The following CDK6 variants were observed in gnomAD, a reference collection of about 807,000 sequenced individuals.
CDK6 encodes cyclin dependent kinase 6.
In CDK6, 6 loss-of-function variants were observed where a neutral mutation model predicts 37.1. The ratio of observed to expected loss-of-function variants is 0.16; its 90% CI spans 0.09 to 0.32. CDK6 has a LOEUF of 0.32. Ranked by LOEUF, CDK6 falls within the 10% of genes least tolerant of loss-of-function variation. The pLI, the probability that CDK6 is intolerant of heterozygous loss-of-function variation, is 1.00. For missense variants in CDK6, 224 were observed against 418.9 expected (o/e 0.53, Z 4.06); for synonymous variants, 160 against 161.3 (o/e 0.99, Z 0.06).
At chr7:92,627,414 T>C (rs1287083279) in intron 5 of CDK6, among the ~76,000 whole-genome samples, 7 of 152,008 alleles carry the variant, frequency 4.6e-5, no homozygotes, top group African/African-American at 1.7e-4. Flanking sequence ...GGTAATTATG[T>C]CATAAAAGGC....
At chr7:92,703,895 C>T (rs753014063) in intron 4 of CDK6, among the ~76,000 whole-genome samples, 109 of 152,130 alleles carry the variant, frequency 7.2e-4, no homozygotes, top group South Asian at 1.7e-3. Flanking sequence ...TTATCAGGTC[C>T]CCCACAGAGG....
At chr7:92,766,036 G>A (rs996423370) in intron 3 of CDK6, among the ~76,000 whole-genome samples, 3 of 152,096 alleles carry the variant, frequency 2.0e-5, no homozygotes, top group African/African-American at 7.2e-5. Context: ...AAGGAAGAGT[G>A]GAGGCAGATC....
intron 3 of CDK6, among the ~76,000 whole-genome samples, chr7:92,751,591 T>G (rs1422478521): frequency 6.6e-6 from 1 of 152,200 alleles, no homozygotes; most frequent in Non-Finnish European, 1.5e-5. Flanking sequence ...TTTATTAACT[T>G]TTTGCAAATA....
intron 2 of CDK6, among the ~76,000 whole-genome samples, chr7:92,790,857 G>A (rs1800263628): frequency 6.6e-6 from 1 of 152,160 alleles, no homozygotes. Flanking sequence ...CAAAGAAAGG[G>A]CACTTGAAAC....
intron 5 of CDK6, among the ~76,000 whole-genome samples, chr7:92,663,545 C>CA (rs1229412106): frequency 3.0e-4 from 45 of 151,742 alleles, no homozygotes; most frequent in Non-Finnish European, 6.3e-4. Context: ...TACTAAAATA[C>CA]AAAAAATTAG....
chr7:92,650,708 T>C (rs1157232288), intron 5 of CDK6, among the ~76,000 whole-genome samples: 1 of 151,374 alleles, frequency 6.6e-6, no homozygotes, highest in Admixed American at 6.6e-5. Context: ...TCTGATGTGG[T>C]TGTAAGACTG....
intron 6 of CDK6, among the ~76,000 whole-genome samples, chr7:92,622,229 A>G (rs1175245917): frequency 6.6e-6 from 1 of 152,186 alleles, no homozygotes; most frequent in Non-Finnish European, 1.5e-5. Flanking sequence ...CATTCTAGAA[A>G]CATGAATGCA....
intron 4 of CDK6, among the ~76,000 whole-genome samples, chr7:92,700,092 G>A (rs994543653): frequency 2.0e-5 from 3 of 152,162 alleles, no homozygotes; most frequent in African/African-American, 7.2e-5. Context: ...TCTAGTGTTA[G>A]AGGCTTCAGC....
Position 92,606,378 on chromosome 7 carries a change from C to A in CDK6, c.*8762G>T, listed in dbSNP as rs879900328. ...GCTAGGTCAAGTTGGGAGTGGTGGCCAGGCCTAGACAGGCACACCTGTGGT... is the reference window on the plus strand; with the variant it reads ...GCTAGGTCAAGTTGGGAGTGGTGGCAAGGCCTAGACAGGCACACCTGTGGT... On this transcript the variant is annotated 3_prime_UTR_variant, in exon 8 of 8. Transcript: ENST00000424848. 11 of 233,206 alleles carry A rather than the reference C, an allele frequency of 4.7e-5. No individual in the cohort carries two copies. The highest frequency in any genetic ancestry group is 1.8e-4 in the African/African-American group (8 of 45,338). The allele number at this position is 233,206 out of a possible 1,614,324, so 14.4% of individuals were successfully genotyped here. A position where few individuals can be genotyped will look rare whatever the true frequency, so the allele number is the denominator to read the frequency against.
At chr7:92,749,509 T>C (rs1799139756) in intron 3 of CDK6, among the ~76,000 whole-genome samples, 1 of 151,984 alleles carries the variant, frequency 6.6e-6, no homozygotes, top group South Asian at 2.1e-4. Flanking sequence ...AAACAAAAGA[T>C]CAACTGAGAA....
At chr7:92,629,075 C>T (rs1038897328) in intron 5 of CDK6, among the ~76,000 whole-genome samples, 4 of 151,572 alleles carry the variant, frequency 2.6e-5, no homozygotes, top group Admixed American at 6.6e-5. Context: ...GGAAAGAGCA[C>T]GGAAAAAAAC....
intron 3 of CDK6, among the ~76,000 whole-genome samples, chr7:92,754,880 A>G (rs112048115): frequency 7.9e-5 from 12 of 152,176 alleles, no homozygotes; most frequent in African/African-American, 2.4e-4. Context: ...ACCAATTTTA[A>G]CTACTTCAGT....
Position 92,833,255 on chromosome 7 carries a change from G to A in CDK6, c.69C>T (p.Ala23=), listed in dbSNP as rs967275768. 2 of 1,610,456 alleles carry A rather than the reference G, an allele frequency of 1.2e-6. No homozygotes were observed. Among genetic ancestry groups the A allele is most frequent in the African/African-American group, 2.7e-5 (2 of 74,732 alleles). The change falls in exon 2 of 8, where the codon GCC becomes GCT. Residue 23 remains alanine, a synonymous_variant. Coordinates refer to ENST00000424848, the MANE Select transcript of CDK6 (RefSeq NM_001145306.2). The surrounding 1 kb of genome is among the most constrained non-coding windows in gnomAD (Gnocchi z 6.1). Reference sequence around the variant, plus strand: ...CGCGGGCCTTGAACACCTTCCCATAGGCGCCCTCCCCGATCTCCGCCACGC... The same window carrying A: ...CGCGGGCCTTGAACACCTTCCCATAAGCGCCCTCCCCGATCTCCGCCACGC... ...YECVAEIGEG[A]YGKVFKARDL...
At chr7:92,665,171 A>G (rs898326774) in intron 5 of CDK6, among the ~76,000 whole-genome samples, 2 of 152,150 alleles carry the variant, frequency 1.3e-5, no homozygotes, top group Non-Finnish European at 2.9e-5. Context: ...GACAGTTCTA[A>G]CTAGGATTAC....
intron 2 of CDK6, among the ~76,000 whole-genome samples, chr7:92,787,239 G>A (rs1247670770): frequency 6.8e-6 from 1 of 147,834 alleles, no homozygotes; most frequent in African/African-American, 2.5e-5. Flanking sequence ...TGGGTGATAA[G>A]ATTTTGGAAT....
chr7:92,628,700 C>T (rs1449109030), intron 5 of CDK6, among the ~76,000 whole-genome samples: 6 of 152,040 alleles, frequency 3.9e-5, no homozygotes, highest in Admixed American at 6.6e-5. Context: ...CACCAAGAGC[C>T]AACTCCAAAT....
chr7:92,619,968 G>A (rs1269152815), intron 6 of CDK6, among the ~76,000 whole-genome samples: 2 of 152,104 alleles, frequency 1.3e-5, no homozygotes, highest in Non-Finnish European at 2.9e-5. Context: ...GGGCAGAGGA[G>A]GGAATGAAAA....
chr7:92,681,701 CT>C (rs925865085), intron 4 of CDK6, among the ~76,000 whole-genome samples: 1 of 152,180 alleles, frequency 6.6e-6, no homozygotes, highest in Non-Finnish European at 1.5e-5. Flanking sequence ...GTGCAGAATG[CT>C]ACGGTCCTGT....
At chr7:92,658,661 T>G (rs1376537026) in intron 5 of CDK6, among the ~76,000 whole-genome samples, 1 of 152,080 alleles carries the variant, frequency 6.6e-6, no homozygotes, top group Non-Finnish European at 1.5e-5. Context: ...TTTGGGAGTT[T>G]TGGAGAAGTA....
Sources: allele counts gnomAD v4.1 joint callset (sites outside exome capture counted in the v4.1 genomes callset), GRCh38; gene constraint gnomAD v4.1.1; non-coding constraint Gnocchi (gnomAD v3.1); transcripts MANE v1.5; gene names NCBI Gene and HGNC (gene_info 2026-07-23, HGNC 2026-07-21).